The following RSRC1 variants were observed in gnomAD, a reference collection of about 807,000 sequenced individuals.
RSRC1 encodes serine/Arginine-related protein 53.
Under a neutral mutation model 49.1 loss-of-function variants are expected in RSRC1, and 39 were observed. The ratio of observed to expected loss-of-function variants is 0.79; its 90% CI spans 0.61 to 1.04. RSRC1 has a LOEUF of 1.04. Among genes scored for constraint, RSRC1 ranks in the 50% least tolerant of loss-of-function variants. The pLI is 0.00. For missense variants in RSRC1, 388 were observed against 402.4 expected (o/e 0.96, Z 0.31); for synonymous variants, 143 against 130.8 (o/e 1.09, Z -0.63).
chr3:158,414,212 A>G (rs1477210219), intron 6 of RSRC1, among the ~76,000 whole-genome samples: 2 of 152,162 alleles, frequency 1.3e-5, no homozygotes, highest in Non-Finnish European at 2.9e-5. Context: ...ATGGAATACT[A>G]TGCAGTCATA....
At chr3:158,342,340 T>G (rs1730296783) in intron 5 of RSRC1, among the ~76,000 whole-genome samples, 1 of 152,104 alleles carries the variant, frequency 6.6e-6, no homozygotes, top group South Asian at 2.1e-4. Context: ...CTGGCGGAGG[T>G]AATTGAATCA....
chr3:158,283,152 T>C (rs981914985), intron 4 of RSRC1, among the ~76,000 whole-genome samples: 1 of 151,962 alleles, frequency 6.6e-6, no homozygotes, highest in South Asian at 2.1e-4. Flanking sequence ...TGAAAAAAAA[T>C]GTAGACAAGG....
intron 7 of RSRC1, among the ~76,000 whole-genome samples, chr3:158,472,182 G>T (rs1578520412): frequency 1.3e-5 from 2 of 151,872 alleles, no homozygotes; most frequent in East Asian, 1.9e-4. Flanking sequence ...CCAAGATAAG[G>T]TTGTTTTTTA....
At chr3:158,471,976 T>A (rs1387567139) in intron 7 of RSRC1, among the ~76,000 whole-genome samples, 1 of 152,136 alleles carries the variant, frequency 6.6e-6, no homozygotes, top group East Asian at 1.9e-4. Flanking sequence ...AAATACTTTA[T>A]GTAAACAGAG....
chr3:158,276,616 A>AT (rs1347523212), intron 4 of RSRC1, among the ~76,000 whole-genome samples: 1 of 151,954 alleles, frequency 6.6e-6, no homozygotes, highest in Non-Finnish European at 1.5e-5. Flanking sequence ...TACTTTATTT[A>AT]TTTTTTTAAA....
chr3:158,203,146 G>A lies in RSRC1; in HGVS notation c.395G>A (p.Arg132Gln), dbSNP rs749290213. 76 of 1,613,598 alleles carry A rather than the reference G, an allele frequency of 4.7e-5. No homozygotes were observed. Among genetic ancestry groups the A allele is most frequent in the South Asian group, 6.6e-5 (6 of 91,040 alleles). The change falls in exon 4 of 10, where the codon CGG becomes CAG. Residue 132 changes from arginine to glutamine, a missense_variant. Arg to Gln is a conservative substitution (Grantham distance 43). Transcript: ENST00000611884. ...ERSSHRRTRS[R>Q]SRDRERRKGR... ...TCCAGTCACAGAAGAACGCGTAGTC[G>A]GTCTCGGGATAGAGAACGACGTAAG...
intron 5 of RSRC1, among the ~76,000 whole-genome samples, chr3:158,338,952 C>T (rs1198271354): frequency 2.6e-5 from 4 of 152,034 alleles, no homozygotes; most frequent in African/African-American, 7.3e-5. Flanking sequence ...CATGGGATCT[C>T]GAACATTATA....
At chr3:158,145,450 G>T (rs1717027069) in intron 3 of RSRC1, among the ~76,000 whole-genome samples, 1 of 152,084 alleles carries the variant, frequency 6.6e-6, no homozygotes, top group African/African-American at 2.4e-5. Context: ...GTAGATATGT[G>T]GTATTATTTC....
chr3:158,237,730 A>T (rs1025239737), intron 4 of RSRC1, among the ~76,000 whole-genome samples: 17 of 152,330 alleles, frequency 1.1e-4, no homozygotes, highest in Non-Finnish European at 2.1e-4. Context: ...TTTTCTAAAT[A>T]TACAGTCATG....
chr3:158,294,509 T>A lies in RSRC1; in HGVS notation c.495-3530T>A, dbSNP rs1443390018. Among the ~76,000 whole-genome samples the A allele has an allele frequency of 9.2e-5, 14 of 152,220 alleles. 1 individual carries two copies. The South Asian group carries it at 2.9e-3, about 32-fold the overall frequency. On this transcript the variant is annotated intron_variant, in intron 4 of 9. Coordinates refer to ENST00000611884, the MANE Select transcript of RSRC1 (RefSeq NM_001271838.2). ...AAATTCTGGTTTATACATCTTACAG[T>A]TTTCCTTGTGGGTTCATCTTTTTTT...
At position 158,153,930 on chromosome 3, in the gene RSRC1, A is replaced by G. The variant is rs146757567; in HGVS notation, c.320+29939A>G. On this transcript the variant is annotated intron_variant, in intron 3 of 9. Coordinates refer to ENST00000611884, the MANE Select transcript of RSRC1 (RefSeq NM_001271838.2). Reference sequence around the variant, plus strand: ...CAGGATAATTATGAGACTGGGATACATGTATGCAAAATGTGAAAATATAGC... The same window carrying G: ...CAGGATAATTATGAGACTGGGATACGTGTATGCAAAATGTGAAAATATAGC... Among the ~76,000 whole-genome samples, 156 of 152,308 alleles carry G rather than the reference A, an allele frequency of 1.0e-3. 1 individual carries two copies. The highest frequency in any genetic ancestry group is 3.5e-3 in the African/African-American group (146 of 41,570).
Position 158,473,908 on chromosome 3 carries a change from G to A in RSRC1, c.652+12905G>A, listed in dbSNP as rs79557015. 4.6e-3 allele frequency among the ~76,000 whole-genome samples: 699 copies of A among 152,136 alleles called. 5 individuals carry two copies. Among genetic ancestry groups the A allele is most frequent in the African/African-American group, 0.016 (668 of 41,504 alleles). ...ATAGATCATTTCCTTACAAGTGACC[G>A]TGAGCTTCTAGAGGACATTAAGTAT... is the stretch of plus-strand genomic sequence containing the variant. On this transcript the variant is annotated intron_variant, in intron 7 of 9. Coordinates refer to ENST00000611884, the MANE Select transcript of RSRC1 (RefSeq NM_001271838.2).
intron 7 of RSRC1, among the ~76,000 whole-genome samples, chr3:158,488,285 G>C: frequency 6.6e-6 from 1 of 152,032 alleles, no homozygotes; most frequent in East Asian, 1.9e-4. Flanking sequence ...TAAATAATAG[G>C]AAAGTATTGT....
At chr3:158,425,162 T>G (rs1322089469) in intron 6 of RSRC1, among the ~76,000 whole-genome samples, 1 of 152,052 alleles carries the variant, frequency 6.6e-6, no homozygotes, top group African/African-American at 2.4e-5. Flanking sequence ...GTTCTTTTAA[T>G]TGTGATGTTA....
At chr3:158,155,491 G>A (rs1251587017) in intron 3 of RSRC1, among the ~76,000 whole-genome samples, 4 of 152,000 alleles carry the variant, frequency 2.6e-5, no homozygotes, top group African/African-American at 9.7e-5. Context: ...CTCTAGGGCA[G>A]TGGCATGATC....
At chr3:158,423,868 C>T (rs1735238445) in intron 6 of RSRC1, among the ~76,000 whole-genome samples, 1 of 151,368 alleles carries the variant, frequency 6.6e-6, no homozygotes, top group Non-Finnish European at 1.5e-5. Flanking sequence ...CATGATTTGG[C>T]TCTCTGTCTG....
At chr3:158,391,349 G>C (rs1560022707) in intron 6 of RSRC1, among the ~76,000 whole-genome samples, 1 of 152,084 alleles carries the variant, frequency 6.6e-6, no homozygotes, top group African/African-American at 2.4e-5. Context: ...ATCTGGCCTT[G>C]TGTATTTTCT....
intron 6 of RSRC1, among the ~76,000 whole-genome samples, chr3:158,360,783 G>A (rs1578386030): frequency 6.6e-6 from 1 of 152,190 alleles, no homozygotes; most frequent in Non-Finnish European, 1.5e-5. Flanking sequence ...AGCCTGCAAG[G>A]GCAAGGCGGA....
intron 7 of RSRC1, among the ~76,000 whole-genome samples, chr3:158,485,241 A>G (rs1234747262): frequency 6.6e-6 from 1 of 152,042 alleles, no homozygotes; most frequent in African/African-American, 2.4e-5. Flanking sequence ...AGTTAATTGT[A>G]TGTTGTATTT....
Sources: allele counts gnomAD v4.1 joint callset (sites outside exome capture counted in the v4.1 genomes callset), GRCh38; gene constraint gnomAD v4.1.1; transcripts MANE v1.5; gene names NCBI Gene and HGNC (gene_info 2026-07-23, HGNC 2026-07-21).